The following ICE1 variants were observed in gnomAD, a reference collection of about 807,000 sequenced individuals.
ICE1 encodes the protein little elongation complex subunit 1.
ICE1 carries 64 observed loss-of-function variants against 192.7 expected under a neutral mutation model. The ratio of observed to expected loss-of-function variants is 0.33; its 90% CI spans 0.27 to 0.41. The LOEUF (loss-of-function observed/expected upper bound fraction) is 0.41, where lower values mean the gene tolerates loss of function less well. ICE1 is among the 10% of genes least tolerant of loss of function. ICE1 has a pLI of 1.00. For missense variants in ICE1, 2,708 were observed against 2,696.0 expected, an observed-to-expected ratio of 1.00 and a Z score of -0.10; for synonymous variants, 1,010 against 984.5, an observed-to-expected ratio of 1.03 and a Z score of -0.49.
intron 1 of ICE1, among the ~76,000 whole-genome samples, chr5:5,434,407 A>G (rs1215738502): frequency 6.6e-6 from 1 of 152,212 alleles, no homozygotes; most frequent in Non-Finnish European, 1.5e-5. Context: ...TAACACACCC[A>G]AGAGAATCTG....
intron 4 of ICE1, among the ~76,000 whole-genome samples, chr5:5,440,441 C>T (rs1417202532): frequency 1.3e-5 from 2 of 152,190 alleles, no homozygotes; most frequent in African/African-American, 2.4e-5. Context: ...CTCAGCCAGG[C>T]TGTTTGAGTG....
At chr5:5,485,038 G>C (rs1320015694) in intron 17 of ICE1, among the ~76,000 whole-genome samples, 1 of 151,894 alleles carries the variant, frequency 6.6e-6, no homozygotes, top group Non-Finnish European at 1.5e-5. Flanking sequence ...GTAGGGGAAT[G>C]GGGGGAATGA....
intron 1 of ICE1, among the ~76,000 whole-genome samples, chr5:5,428,451 T>G (rs1239388424): frequency 6.6e-6 from 1 of 152,204 alleles, no homozygotes; most frequent in African/African-American, 2.4e-5. Flanking sequence ...ATGTGAGTAG[T>G]GTGATTTTTA....
intron 17 of ICE1, among the ~76,000 whole-genome samples, chr5:5,483,307 T>C (rs1440172984): frequency 6.6e-6 from 1 of 152,194 alleles, no homozygotes; most frequent in Admixed American, 6.5e-5. Context: ...CTGTCTATTC[T>C]TAATTCAAAA....
chr5:5,437,069 C>CT lies in ICE1; in HGVS notation c.144-5dup. 6.8e-7 allele frequency: 1 copy of CT among 1,466,332 alleles called. No individual in the cohort carries two copies. The highest frequency in any genetic ancestry group is 9.4e-7 in the Non-Finnish European group (1 of 1,069,430). The allele number at this position is 1,466,332 out of a possible 1,614,324, so 90.8% of individuals were successfully genotyped here. On this transcript the variant is annotated splice_polypyrimidine_tract_variant and intron_variant, in intron 2 of 18. Coordinates refer to ENST00000296564, the MANE Select transcript of ICE1 (RefSeq NM_015325.3). ...TAAAAAGTAACCTAATTTTTCTTTT[C>CT]TTTTTTGCAGTAATTTGTTAACAGA...
In ICE1 at chr5:5,436,487, T is replaced by A. The variant is rs1737875939; in HGVS notation, c.143+11T>A. ...AATTATCAATACAGAGTAAGTATAT[T>A]TGCATGTCGTTTGGCAGAACTTTGT... On this transcript the variant is annotated intron_variant, in intron 2 of 18. Coordinates refer to ENST00000296564, the MANE Select transcript of ICE1 (RefSeq NM_015325.3). 7.0e-7 allele frequency: 1 copy of A among 1,434,918 alleles called. No individual in the cohort carries two copies. The highest frequency in any genetic ancestry group is 9.3e-7 in the Non-Finnish European group (1 of 1,076,134). 88.9% of individuals were successfully genotyped at this position (1,434,918 alleles called of 1,614,324 possible). A position where few individuals can be genotyped will look rare whatever the true frequency, so the allele number is the denominator to read the frequency against.
At chr5:5,439,174 T>G (rs1033416638) in intron 3 of ICE1, among the ~76,000 whole-genome samples, 1 of 152,204 alleles carries the variant, frequency 6.6e-6, no homozygotes, top group Non-Finnish European at 1.5e-5. Flanking sequence ...ATCAGGTATT[T>G]TTTGAACTTT....
chr5:5,431,455 C>G (rs557878534), intron 1 of ICE1, among the ~76,000 whole-genome samples: 1 of 152,256 alleles, frequency 6.6e-6, no homozygotes, highest in African/African-American at 2.4e-5. Flanking sequence ...TCCGAAGGAC[C>G]ATGTTCACAT....
At position 5,457,664 on chromosome 5, in the gene ICE1, CCT is replaced by C. The variant is rs867237117; in HGVS notation, c.1027_1028del (p.Leu343SerfsTer25). 1 of 1,613,922 alleles carries C rather than the reference CCT, an allele frequency of 6.2e-7. No individual in the cohort carries two copies. Among genetic ancestry groups the C allele is most frequent in the East Asian group, 2.2e-5 (1 of 44,878 alleles). ...AAIDFFKLPP[P>X]LLSPVPSPPP... ...AATTGACTTCTTCAAACTTCCCCCT[CCT>C]CTTCTGTCACCAGTGCCCTCGCCCC... On this transcript the variant is annotated frameshift_variant, in exon 12 of 19. Transcript: ENST00000296564. LOFTEE classifies it high-confidence loss of function.
intron 1 of ICE1, among the ~76,000 whole-genome samples, chr5:5,435,976 T>C (rs1011373565): frequency 1.3e-5 from 2 of 152,168 alleles, no homozygotes; most frequent in African/African-American, 2.4e-5. Context: ...TAGATCCTTA[T>C]ATATTTTTTC....
chr5:5,473,248 T>C (rs896806776), intron 15 of ICE1, among the ~76,000 whole-genome samples: 4 of 152,330 alleles, frequency 2.6e-5, no homozygotes, highest in Middle Eastern at 3.4e-3. Context: ...ATAACTAGCT[T>C]TCTAACTTTA....
rs1299422307 is a variant in ICE1 at position 5,464,869 on chromosome 5, T to C, written c.5535T>C (p.Ala1845=). 1 of 1,612,978 alleles carries C rather than the reference T, an allele frequency of 6.2e-7. No individual in the cohort carries two copies. The highest frequency in any genetic ancestry group is 8.5e-7 in the Non-Finnish European group (1 of 1,179,486). ...TGTCAACGTCTACACTGAGAAGTGCTAAAAGACTGCGCCTGGACACTGGGT... is the reference window on the plus strand; with the variant it reads ...TGTCAACGTCTACACTGAGAAGTGCCAAAAGACTGCGCCTGGACACTGGGT... ...RTLSTSTLRS[A]KRLRLDTGSP... Residue 1845 remains alanine (A), a synonymous_variant, in exon 13 of 19, where the codon GCT becomes GCC. Transcript: ENST00000296564. This position sits in a 1 kb window ranked among gnomAD's most constrained non-coding sequence, Gnocchi z 4.0.
chr5:5,439,887 A>G lies in ICE1; in HGVS notation c.179-8A>G, dbSNP rs1171171831. 6.5e-7 allele frequency: 1 copy of G among 1,543,822 alleles called. No individual in the cohort carries two copies. The highest frequency in any genetic ancestry group is 2.4e-5 in the East Asian group (1 of 41,852). ...AAAATTCTCAGAGTTTTCTTTAATAAGTTTTACAGCTGCAGTTTGCAAGAA... is the reference window on the plus strand; with the variant it reads ...AAAATTCTCAGAGTTTTCTTTAATAGGTTTTACAGCTGCAGTTTGCAAGAA... On this transcript the variant is annotated splice_polypyrimidine_tract_variant and splice_region_variant and intron_variant, in intron 3 of 18. Transcript: ENST00000296564.
intron 6 of ICE1, among the ~76,000 whole-genome samples, chr5:5,443,660 C>T (rs1332826284): frequency 1.3e-5 from 2 of 152,000 alleles, no homozygotes; most frequent in Non-Finnish European, 2.9e-5. Context: ...GTGCTTTAAC[C>T]GATAGCATGT....
At chr5:5,426,943 A>G (rs548830244) in intron 1 of ICE1, among the ~76,000 whole-genome samples, 41 of 152,350 alleles carry the variant, frequency 2.7e-4, no homozygotes, top group African/African-American at 9.1e-4. Flanking sequence ...CAAGTGTAAC[A>G]TAGGAGTCAG....
Position 5,461,255 on chromosome 5 carries a change from G to T in ICE1, c.1921G>T (p.Val641Phe). The change falls in exon 13 of 19, where the codon GTT (valine) becomes TTT (phenylalanine). Residue 641 changes from valine (V) to phenylalanine (F), a missense_variant. Coordinates refer to ENST00000296564, the MANE Select transcript of ICE1 (RefSeq NM_015325.3). ...CTCTTCTACCTTGGTAGCATTGTCT[G>T]TTGGCAGTAATCCCCAGTCTTCTTC... ...SSSSTLVALSVGSNPQSSSGL... is the reference protein window; with the variant it reads ...SSSSTLVALSFGSNPQSSSGL... 2 of 1,613,986 alleles carry T rather than the reference G, an allele frequency of 1.2e-6. No homozygotes were observed. The highest frequency in any genetic ancestry group is 1.7e-6 in the Non-Finnish European group (2 of 1,179,898).
At position 5,463,347 on chromosome 5, in the gene ICE1, A is replaced by C; in HGVS notation, c.4013A>C (p.Gln1338Pro). Reference protein sequence around the residue: ...EGSSPISGMPQNENPQSRPEA... With the variant: ...EGSSPISGMPPNENPQSRPEA... ...AGCTCTCCCATCAGCGGTATGCCTC[A>C]GAATGAAAACCCTCAGAGCAGACCA... The change falls in exon 13 of 19, where the codon CAG (glutamine) becomes CCG (proline). Residue 1338 changes from glutamine to proline, a missense_variant. This residue lies in a region of ICE1 where 2,366 missense variants were observed against 2,276.6 expected (regional missense o/e 1.04). Coordinates refer to ENST00000296564, the MANE Select transcript of ICE1 (RefSeq NM_015325.3). The C allele has an allele frequency of 6.2e-7, 1 of 1,613,854 alleles. No homozygotes were observed. Among genetic ancestry groups the C allele is most frequent in the Non-Finnish European group, 8.5e-7 (1 of 1,179,824 alleles).
At chr5:5,481,206 G>A (rs1373050472) in intron 17 of ICE1, among the ~76,000 whole-genome samples, 1 of 152,126 alleles carries the variant, frequency 6.6e-6, no homozygotes, top group Non-Finnish European at 1.5e-5. Context: ...GTTTTAAGGT[G>A]TAAATAAATA....
chr5:5,465,517 G>A (rs983834791), intron 13 of ICE1, among the ~76,000 whole-genome samples: 4 of 152,056 alleles, frequency 2.6e-5, no homozygotes, highest in African/African-American at 9.7e-5. Flanking sequence ...ATGTTTAGAG[G>A]CTTAAAATTA....
Sources: gnomAD v4.1 joint callset for allele counts (sites outside exome capture counted in the v4.1 genomes callset) on GRCh38, gnomAD v4.1.1 for gene constraint, gnomAD v4.1.1 regional missense constraint, Gnocchi (gnomAD v3.1) non-coding constraint, MANE v1.5 for transcripts, NCBI Gene and HGNC (gene_info 2026-07-23, HGNC 2026-07-21) for gene names.